Variants in TYW1B observed in about 807,000 individuals in gnomAD.
TYW1B encodes the protein tRNA-yW synthesizing protein 1 homolog B.
TYW1B carries 73 observed loss-of-function variants against 86.9 expected under a neutral mutation model. The ratio of observed to expected loss-of-function variants is 0.84; its 90% confidence interval spans 0.70 to 1.02. The LOEUF is 1.02. TYW1B is among the 50% of genes least tolerant of loss of function. The pLI, the probability that TYW1B is intolerant of heterozygous loss-of-function variation, is 0.00. For synonymous variants in TYW1B, 248 were observed against 292.8 expected (o/e 0.85, Z 1.56); for missense variants, 637 against 827.4 (o/e 0.77, Z 2.82).
chr7:72,741,453 T>C (rs1211313424), intron 8 of TYW1B, among the ~76,000 whole-genome samples: 11 of 151,746 alleles, frequency 7.2e-5, no homozygotes, highest in African/African-American at 1.2e-4. Context: ...GTGAAGAAAA[T>C]TGAACAGAGT....
intron 11 of TYW1B, among the ~76,000 whole-genome samples, chr7:72,634,298 C>T (rs1201478763): frequency 6.6e-6 from 1 of 151,718 alleles, no homozygotes; most frequent in Non-Finnish European, 1.5e-5. Flanking sequence ...CCTGTCTCAG[C>T]CTCCTGAGTA....
intron 7 of TYW1B, among the ~76,000 whole-genome samples, chr7:72,772,579 A>G (rs375093927): frequency 8.5e-5 from 13 of 152,106 alleles, no homozygotes; most frequent in Non-Finnish European, 1.9e-4. Flanking sequence ...TTTGAGCTAC[A>G]TAGGACATGA....
chr7:72,579,962 T>C (rs1185350145), intron 13 of TYW1B, among the ~76,000 whole-genome samples: 1 of 152,170 alleles, frequency 6.6e-6, no homozygotes, highest in Non-Finnish European at 1.5e-5. Flanking sequence ...TGATGTCTCT[T>C]CTTACAAAAA....
At chr7:72,824,515 T>G (rs1586013369) in intron 2 of TYW1B, among the ~76,000 whole-genome samples, 1 of 151,910 alleles carries the variant, frequency 6.6e-6, no homozygotes, top group South Asian at 2.1e-4. Context: ...CTGAGGCGGG[T>G]GACTCATCTG....
At position 72,579,268 on chromosome 7, in the gene TYW1B, T is replaced by A. The variant is rs114310147; in HGVS notation, c.1786-3549A>T. 6.9e-3 allele frequency among the ~76,000 whole-genome samples: 1,055 copies of A among 152,270 alleles called. 17 individuals carry two copies. Among genetic ancestry groups the A allele is most frequent in the African/African-American group, 0.025 (1,029 of 41,546 alleles). ...ACTAAAAGATCTGGTTTCTTTTGAC[T>A]CTAAAACTCTGCTCTGCTTTAAAAT... On this transcript the variant is annotated intron_variant, in intron 13 of 13. Coordinates refer to ENST00000620995, the MANE Select transcript of TYW1B (RefSeq NM_001145440.3).
intron 6 of TYW1B, among the ~76,000 whole-genome samples, chr7:72,784,827 C>A (rs71554644): frequency 6.6e-6 from 1 of 151,960 alleles, no homozygotes; most frequent in African/African-American, 2.4e-5. Context: ...CACTGGAACT[C>A]TCCTCTCTCC....
At chr7:72,779,175 C>A (rs1788006174) in intron 6 of TYW1B, among the ~76,000 whole-genome samples, 1 of 152,202 alleles carries the variant, frequency 6.6e-6, no homozygotes, top group African/African-American at 2.4e-5. Context: ...AGCCATCCAG[C>A]CCCCAGGTGA....
intron 6 of TYW1B, among the ~76,000 whole-genome samples, chr7:72,798,897 A>C (rs1296221500): frequency 6.6e-6 from 1 of 152,198 alleles, no homozygotes; most frequent in Admixed American, 6.6e-5. Context: ...TTTCATGTTT[A>C]AATCTCTCTG....
rs536467134 is a variant in TYW1B at position 72,806,198 on chromosome 7, G to A, written c.723+868C>T. ...TAAAAATCTACTTGACTCTAACAATGCAAGGATTAAAGAAGACGTTTTGGT... is the reference window on the plus strand; with the variant it reads ...TAAAAATCTACTTGACTCTAACAATACAAGGATTAAAGAAGACGTTTTGGT... On this transcript the variant is annotated intron_variant, in intron 5 of 13. Transcript: ENST00000620995. Among the ~76,000 whole-genome samples the A allele has an allele frequency of 4.6e-5, 7 of 151,036 alleles. No homozygotes were observed. In the South Asian group the frequency reaches 1.5e-3, roughly 32 times the overall value.
chr7:72,808,747 G>A lies in TYW1B; in HGVS notation c.433-1391C>T, dbSNP rs183241913. On this transcript the variant is annotated intron_variant, in intron 4 of 13. Coordinates refer to ENST00000620995, the MANE Select transcript of TYW1B (RefSeq NM_001145440.3). ...TCTCCATGTTGGTCAGGCTGGGGTCGAACTCCCGACCTCAGGTGATCCGCC... is the reference window on the plus strand; with the variant it reads ...TCTCCATGTTGGTCAGGCTGGGGTCAAACTCCCGACCTCAGGTGATCCGCC... Among the ~76,000 whole-genome samples the A allele has an allele frequency of 4.2e-3, 636 of 151,916 alleles. 3 individuals carry two copies. Among genetic ancestry groups the A allele is most frequent in the African/African-American group, 0.015 (602 of 41,468 alleles).
chr7:72,759,687 T>G (rs1585962699), intron 7 of TYW1B, among the ~76,000 whole-genome samples: 1 of 152,300 alleles, frequency 6.6e-6, no homozygotes, highest in East Asian at 1.9e-4. Flanking sequence ...CTATTGGTGT[T>G]GAGATGAAAC....
intron 13 of TYW1B, among the ~76,000 whole-genome samples, chr7:72,586,161 TAGG>T (rs1242004637): frequency 6.6e-6 from 1 of 152,202 alleles, no homozygotes; most frequent in Non-Finnish European, 1.5e-5. Context: ...GGACCGAGTC[TAGG>T]AGAATTCCAT....
Position 72,732,083 on chromosome 7 carries a change from T to C in TYW1B, c.1083-3152A>G, listed in dbSNP as rs550002677. Among the ~76,000 whole-genome samples the C allele has an allele frequency of 7.1e-5, 8 of 112,046 alleles. No homozygotes were observed. The South Asian group carries it at 2.3e-3, about 32-fold the overall frequency. 73.5% of individuals were successfully genotyped at this position (112,046 alleles called of 152,430 possible). The stretch of plus-strand genomic sequence containing the variant: ...CGATAAAGGAATCACTGCAGCAAGA[T>C]CTAACAACTGTAAATATTTATGTAC... On this transcript the variant is annotated intron_variant, in intron 8 of 13. Coordinates refer to ENST00000620995, the MANE Select transcript of TYW1B (RefSeq NM_001145440.3).
chr7:72,713,555 T>C, intron 10 of TYW1B, 66 bp downstream of exon 10: 1 of 1,435,798 alleles, frequency 7.0e-7, no homozygotes, highest in Non-Finnish European at 9.4e-7. Flanking sequence ...CATTAATGCC[T>C]ATTAGTTTTA....
intron 7 of TYW1B, among the ~76,000 whole-genome samples, chr7:72,758,021 C>A (rs1286052007): frequency 6.6e-6 from 1 of 152,148 alleles, no homozygotes; most frequent in Non-Finnish European, 1.5e-5. Flanking sequence ...AGTTCAAGAC[C>A]AGCCTGGCCA....
intron 8 of TYW1B, among the ~76,000 whole-genome samples, chr7:72,741,570 T>A (rs1310334120): frequency 4.6e-5 from 7 of 152,068 alleles, no homozygotes; most frequent in African/African-American, 1.7e-4. Flanking sequence ...AAAGAACATG[T>A]GAAGAAATAA....
intron 11 of TYW1B, among the ~76,000 whole-genome samples, chr7:72,650,747 A>G (rs1813037894): frequency 6.6e-6 from 1 of 152,186 alleles, no homozygotes; most frequent in Non-Finnish European, 1.5e-5. Context: ...GAGCCTGTAA[A>G]CCAAAATTCC....
At chr7:72,719,653 A>AG (rs1786858438) in intron 9 of TYW1B, among the ~76,000 whole-genome samples, 1 of 149,160 alleles carries the variant, frequency 6.7e-6, no homozygotes, top group Non-Finnish European at 1.5e-5. Flanking sequence ...AAAAAAAAAA[A>AG]GAAGGTGATA....
intron 4 of TYW1B, among the ~76,000 whole-genome samples, chr7:72,808,621 G>A (rs535230002): frequency 5.7e-4 from 85 of 148,342 alleles, no homozygotes; most frequent in African/African-American, 1.7e-3. Context: ...TCTACCTCCC[G>A]GGTTCAAGTG....
Sources: allele counts gnomAD v4.1 joint callset (sites outside exome capture counted in the v4.1 genomes callset), GRCh38; gene constraint gnomAD v4.1.1; transcripts MANE v1.5; gene names NCBI Gene and HGNC (gene_info 2026-07-23, HGNC 2026-07-21).